The following AASS variants were observed in gnomAD, a reference collection of about 807,000 sequenced individuals.
AASS encodes the protein aminoadipate-semialdehyde synthase.
In AASS, 86 loss-of-function variants were observed where a neutral mutation model predicts 105.4. That is an observed-to-expected ratio of 0.82 (90% CI 0.69 to 0.98). The LOEUF is 0.98. Among genes scored for constraint, AASS ranks in the 50% least tolerant of loss-of-function variants. AASS has a pLI of 0.00. For synonymous variants in AASS, 381 were observed against 394.8 expected (o/e 0.96, Z 0.41); for missense variants, 1,048 against 1,143.2 (o/e 0.92, Z 1.20).
chr7:122,115,146 T>C lies in AASS; in HGVS notation c.971A>G (p.Asp324Gly), dbSNP rs771344929. The change falls in exon 9 of 24, where the codon GAT becomes GGT. Residue 324 changes from aspartate (D) to glycine (G), a missense_variant. Asp to Gly is a moderately conservative substitution (Grantham distance 94). Transcript: ENST00000417368. ...QNTPRLLTRQDAQSLLAPGKF... is the reference protein window; with the variant it reads ...QNTPRLLTRQGAQSLLAPGKF... Reference sequence around the variant, plus strand: ...GCCCGGAGCCAGGAGACTCTGAGCATCTTGGCGGGTTAGGAGGCGAGGAGT... The same window carrying C: ...GCCCGGAGCCAGGAGACTCTGAGCACCTTGGCGGGTTAGGAGGCGAGGAGT... The C allele has an allele frequency of 5.0e-6, 8 of 1,614,062 alleles. No homozygotes were observed. Among genetic ancestry groups the C allele is most frequent in the Non-Finnish European group, 6.8e-6 (8 of 1,180,046 alleles).
intron 6 of AASS, among the ~76,000 whole-genome samples, chr7:122,117,937 T>A (rs1168336838): frequency 6.6e-6 from 1 of 152,078 alleles, no homozygotes; most frequent in Non-Finnish European, 1.5e-5. Flanking sequence ...ATTATAGGTG[T>A]GAGCCACCAT....
At chr7:122,105,578 T>G (rs1794631980) in intron 11 of AASS, among the ~76,000 whole-genome samples, 1 of 151,914 alleles carries the variant, frequency 6.6e-6, no homozygotes, top group Non-Finnish European at 1.5e-5. Flanking sequence ...CAAGAGAAAC[T>G]TTGGAAACTA....
intron 4 of AASS, among the ~76,000 whole-genome samples, chr7:122,118,932 C>T (rs1795317454): frequency 6.6e-6 from 1 of 152,144 alleles, no homozygotes; most frequent in African/African-American, 2.4e-5. Flanking sequence ...TCCTGTCACC[C>T]AAGGAATTTA....
chr7:122,132,053 C>T (rs1290814783), intron 2 of AASS, among the ~76,000 whole-genome samples: 3 of 152,182 alleles, frequency 2.0e-5, no homozygotes, highest in Non-Finnish European at 4.4e-5. Context: ...TGAGTCCACA[C>T]TTTGATAAAC....
intron 3 of AASS, among the ~76,000 whole-genome samples, chr7:122,128,184 C>A (rs1795741781): frequency 1.3e-5 from 2 of 152,206 alleles, no homozygotes; most frequent in Non-Finnish European, 2.9e-5. Context: ...TCCACCATTT[C>A]TTCCAGGTGC....
intron 11 of AASS, among the ~76,000 whole-genome samples, chr7:122,112,892 G>A (rs772051148): frequency 2.0e-5 from 3 of 152,164 alleles, no homozygotes; most frequent in African/African-American, 4.8e-5. Context: ...ATGGGAAAGA[G>A]ATGTAATTGT....
At chr7:122,130,137 CT>C (rs895681432) in intron 2 of AASS, among the ~76,000 whole-genome samples, 113 of 151,988 alleles carry the variant, frequency 7.4e-4, no homozygotes, top group African/African-American at 2.7e-3. Context: ...TGATATGCTA[CT>C]TTAACTGATA....
Position 122,108,818 on chromosome 7 carries a change from GC to G in AASS, c.1278+4299del, listed in dbSNP as rs1331021373. On this transcript the variant is annotated intron_variant, in intron 11 of 23. Coordinates refer to ENST00000417368, the MANE Select transcript of AASS (RefSeq NM_005763.4). ...TGGATGTTCTAGTCAGTGTAACTAGGCAAAAAAAAAGAAAACAAAGGTACCC... is the reference window on the plus strand; with the variant it reads ...TGGATGTTCTAGTCAGTGTAACTAGGAAAAAAAAAGAAAACAAAGGTACCC... 2.1e-5 allele frequency among the ~76,000 whole-genome samples: 3 copies of G among 145,372 alleles called. No individual in the cohort carries two copies. The South Asian group carries it at 7.2e-4, about 35-fold the overall frequency.
chr7:122,116,228 T>C (rs1795163704), intron 8 of AASS, among the ~76,000 whole-genome samples: 2 of 152,188 alleles, frequency 1.3e-5, no homozygotes, highest in Admixed American at 6.5e-5. Flanking sequence ...ATCAATGGCA[T>C]GCATTTCAAG....
At chr7:122,084,871 AAGAC>A (rs1332718988) in intron 19 of AASS, among the ~76,000 whole-genome samples, 1 of 152,006 alleles carries the variant, frequency 6.6e-6, no homozygotes, top group African/African-American at 2.4e-5. Context: ...GAAATCTCAC[AAGAC>A]AGACAGATTT....
intron 1 of AASS, among the ~76,000 whole-genome samples, chr7:122,138,798 G>A (rs1039544244): frequency 2.6e-5 from 4 of 151,878 alleles, no homozygotes; most frequent in Non-Finnish European, 4.4e-5. Context: ...TCCAGAAAAG[G>A]GAAAGGAAAA....
chr7:122,077,389 G>T (rs1300589241), intron 23 of AASS, among the ~76,000 whole-genome samples: 1 of 152,134 alleles, frequency 6.6e-6, no homozygotes, highest in Non-Finnish European at 1.5e-5. Context: ...AATCTGGAGT[G>T]AATATCTTTT....
At chr7:122,086,253 A>T in intron 18 of AASS, 74 bp from the exon 19 acceptor site, 1 of 1,432,466 alleles carries the variant, frequency 7.0e-7, no homozygotes, top group Non-Finnish European at 9.7e-7. Context: ...CATTATACGA[A>T]CAAAGAAAGC....
rs190163425 is a variant in AASS at position 122,075,727 on chromosome 7, A to G, written c.*762T>C. The stretch of plus-strand genomic sequence containing the variant: ...TGTAAATTGTAATTTAATCTTATCT[A>G]TTCTCATGTCCAAACACTCAAGAGA... On this transcript the variant is annotated 3_prime_UTR_variant, in exon 24 of 24. Transcript: ENST00000417368. 5.6e-4 allele frequency: 86 copies of G among 152,304 alleles called. No individual in the cohort carries two copies. The highest frequency in any genetic ancestry group is 2.0e-3 in the African/African-American group (85 of 41,552). The allele number at this position is 152,304 out of a possible 1,614,324, so 9.4% of individuals were successfully genotyped here.
In AASS at chr7:122,086,251, G is replaced by A. The variant is rs139951910; in HGVS notation, c.2017-72C>T. On this transcript the variant is annotated intron_variant, in intron 18 of 23. Coordinates refer to ENST00000417368, the MANE Select transcript of AASS (RefSeq NM_005763.4). ...CTTTTAGGGCTTATCTGCATTATACGAACAAAGAAAGCAACAGAAATTTGA... is the reference window on the plus strand; with the variant it reads ...CTTTTAGGGCTTATCTGCATTATACAAACAAAGAAAGCAACAGAAATTTGA... The A allele has an allele frequency of 8.4e-5, 118 of 1,409,424 alleles. 1 individual carries two copies. The Middle Eastern group carries it at 1.1e-3, about 13-fold the overall frequency. 87.3% of individuals were successfully genotyped at this position (1,409,424 alleles called of 1,614,324 possible). A position where few individuals can be genotyped will look rare whatever the true frequency, so the allele number is the denominator to read the frequency against.
At position 122,116,865 on chromosome 7, in the gene AASS, C is replaced by T; in HGVS notation, c.766+14G>A. 6.2e-7 allele frequency: 1 copy of T among 1,613,430 alleles called. No individual in the cohort carries two copies. The highest frequency in any genetic ancestry group is 8.5e-7 in the Non-Finnish European group (1 of 1,179,454). ...GTTAAAAACATTAAAAGTTAGTCAT[C>T]TCCTGTCCCTTACCTCCAGTTTGGG... is the stretch of plus-strand genomic sequence containing the variant. On this transcript the variant is annotated intron_variant, in intron 7 of 23. Coordinates refer to ENST00000417368, the MANE Select transcript of AASS (RefSeq NM_005763.4).
intron 4 of AASS, 30 bp from the exon 5 acceptor site, chr7:122,118,660 T>C: frequency 6.2e-7 from 1 of 1,605,810 alleles, no homozygotes; most frequent in Non-Finnish European, 8.5e-7. Context: ...ATAGAAAGAC[T>C]ATTAGTTGGG....
chr7:122,133,416 T>A, intron 2 of AASS, 101 bp downstream of exon 2: 1 of 1,280,728 alleles, frequency 7.8e-7, no homozygotes, highest in Non-Finnish European at 1.1e-6. Context: ...AGTAAAGAAA[T>A]CAAAGTGACA....
chr7:122,091,278 C>T (rs1041314612), intron 18 of AASS, among the ~76,000 whole-genome samples: 3 of 152,130 alleles, frequency 2.0e-5, no homozygotes, highest in African/African-American at 7.2e-5. Flanking sequence ...ACACCAAACC[C>T]TCCATTCCAA....
Sources: gnomAD v4.1 joint callset for allele counts (sites outside exome capture counted in the v4.1 genomes callset) on GRCh38, gnomAD v4.1.1 for gene constraint, MANE v1.5 for transcripts, NCBI Gene and HGNC (gene_info 2026-07-23, HGNC 2026-07-21) for gene names.